The following ADAM19 variants were observed in gnomAD, a reference collection of about 807,000 sequenced individuals.
ADAM19 encodes the protein disintegrin and metalloproteinase domain-containing protein 19.
ADAM19 carries 65 observed loss-of-function variants against 114.7 expected under a neutral mutation model. The ratio of observed to expected loss-of-function variants is 0.57; its 90% CI spans 0.46 to 0.70. The LOEUF is 0.70. Ranked by LOEUF, ADAM19 falls within the 30% of genes least tolerant of loss-of-function variation. The pLI, the probability that ADAM19 is intolerant of heterozygous loss-of-function variation, is 0.00. For missense variants in ADAM19, 1,063 were observed against 1,204.7 expected (o/e 0.88, Z 1.74); for synonymous variants, 466 against 460.5 (o/e 1.01, Z -0.15).
chr5:157,518,743 T>C, intron 7 of ADAM19, 80 bp downstream of exon 7: 2 of 1,132,510 alleles, frequency 1.8e-6, no homozygotes, highest in Non-Finnish European at 2.7e-6. Context: ...TGGGCAACAT[T>C]TCCCCAAAGC....
chr5:157,478,030 T>C lies in ADAM19; in HGVS notation c.*2919A>G, dbSNP rs548941998. ...AGCCAGGTGCCCAGGCTAAGGCTTCTAGAGACAGGGAGACAGGGCACTAAA... is the reference window on the plus strand; with the variant it reads ...AGCCAGGTGCCCAGGCTAAGGCTTCCAGAGACAGGGAGACAGGGCACTAAA... On this transcript the variant is annotated 3_prime_UTR_variant, in exon 23 of 23. Coordinates refer to ENST00000257527, the MANE Select transcript of ADAM19 (RefSeq NM_033274.5). The C allele has an allele frequency of 8.5e-6, 2 of 235,342 alleles. No individual in the cohort carries two copies. Among genetic ancestry groups the C allele is most frequent in the East Asian group, 2.0e-4 (2 of 10,030 alleles). The allele number at this position is 235,342 out of a possible 1,614,324, so 14.6% of individuals were successfully genotyped here. A position where few individuals can be genotyped will look rare whatever the true frequency, so the allele number is the denominator to read the frequency against.
chr5:157,506,007 T>C (rs1755730735), intron 10 of ADAM19, among the ~76,000 whole-genome samples, 199 bp from the exon 11 acceptor site: 1 of 152,232 alleles, frequency 6.6e-6, no homozygotes. Flanking sequence ...TAAAAGTCCA[T>C]GTTTCCTGAG....
chr5:157,548,811 A>T (rs1757114165), intron 3 of ADAM19, among the ~76,000 whole-genome samples: 1 of 152,144 alleles, frequency 6.6e-6, no homozygotes, highest in Non-Finnish European at 1.5e-5. Context: ...GCCCAACCAC[A>T]AAGGGTAAAG....
At chr5:157,523,468 T>C (rs1020551080) in intron 5 of ADAM19, among the ~76,000 whole-genome samples, 1 of 150,766 alleles carries the variant, frequency 6.6e-6, no homozygotes, top group Non-Finnish European at 1.5e-5. Context: ...AATGAGAGAG[T>C]TTTTACTCAG....
chr5:157,488,442 G>A lies in ADAM19; in HGVS notation c.2373C>T (p.Pro791=). 1 of 1,611,294 alleles carries A rather than the reference G, an allele frequency of 6.2e-7. No homozygotes were observed. Among genetic ancestry groups the A allele is most frequent in the Non-Finnish European group, 8.5e-7 (1 of 1,178,168 alleles). ...CACGCAGATAATCTGGAGGGGGCCG[G>A]GGAGGAGGCTGGGAGGGCTTCCGCA... ...EILRKPSQPP[P]RPPPDYLRGG... The change falls in exon 21 of 23, where the codon CCC becomes CCT. Residue 791 remains proline, a synonymous_variant. Coordinates refer to ENST00000257527, the MANE Select transcript of ADAM19 (RefSeq NM_033274.5).
intron 5 of ADAM19, among the ~76,000 whole-genome samples, chr5:157,527,092 T>C (rs150144603): frequency 0.034 from 5,123 of 152,290 alleles, 110 homozygotes; most frequent in South Asian, 0.069. Context: ...TGACTCACAG[T>C]TCTGCATGGC....
chr5:157,556,209 CTTTTTTTTTT>C (rs68078503), intron 3 of ADAM19, among the ~76,000 whole-genome samples: 1,158 of 66,454 alleles, frequency 0.017, 34 homozygotes, highest in African/African-American at 0.065. Flanking sequence ...TTTTCTTTTT[CTTTTTTTTTT>C]TTTTTTTTTT....
At chr5:157,531,047 T>C (rs1756609206) in intron 4 of ADAM19, among the ~76,000 whole-genome samples, 164 bp from the exon 5 acceptor site, 1 of 152,196 alleles carries the variant, frequency 6.6e-6, no homozygotes, top group Non-Finnish European at 1.5e-5. Context: ...TTTCATCTGA[T>C]TCCCATAATA....
chr5:157,570,915 C>T lies in ADAM19; in HGVS notation c.160G>A (p.Glu54Lys). The T allele has an allele frequency of 6.2e-7, 1 of 1,614,166 alleles. No homozygotes were observed. The highest frequency in any genetic ancestry group is 8.5e-7 in the Non-Finnish European group (1 of 1,180,020). ...CTTACCTTTTCTCTCACGGGGCTTT[C>T]TGAAGTCTTCCACTGAGGTATGATA... ...ELIIPQWKTSESPVREKHPLK... is the reference protein window; with the variant it reads ...ELIIPQWKTSKSPVREKHPLK... The change falls in exon 2 of 23, where the codon GAA (glutamate) becomes AAA (lysine). Residue 54 changes from glutamate (E) to lysine (K), a missense_variant. Glu to Lys is a moderately conservative substitution (Grantham distance 56). This residue lies in a region of ADAM19 where 615 missense variants were observed against 706.3 expected (regional missense o/e 0.87). Coordinates refer to ENST00000257527, the MANE Select transcript of ADAM19 (RefSeq NM_033274.5).
At chr5:157,556,643 C>T (rs1217236955) in intron 3 of ADAM19, among the ~76,000 whole-genome samples, 1 of 152,196 alleles carries the variant, frequency 6.6e-6, no homozygotes, top group African/African-American at 2.4e-5. Context: ...ATGAAGGTAT[C>T]AATGTCTCTA....
chr5:157,546,372 A>G (rs1757048193), intron 3 of ADAM19, among the ~76,000 whole-genome samples: 1 of 152,218 alleles, frequency 6.6e-6, no homozygotes, highest in South Asian at 2.1e-4. Context: ...TCTAGGGATC[A>G]GGAATTAAGG....
chr5:157,533,639 G>A (rs932329669), intron 4 of ADAM19, among the ~76,000 whole-genome samples: 5 of 152,270 alleles, frequency 3.3e-5, no homozygotes, highest in East Asian at 1.9e-4. Context: ...GTTCAGAAAC[G>A]TGTATCAGCT....
chr5:157,510,618 A>G (rs886443839), intron 8 of ADAM19, among the ~76,000 whole-genome samples: 14 of 152,146 alleles, frequency 9.2e-5, no homozygotes, highest in African/African-American at 3.4e-4. Flanking sequence ...CTTTGTTTCT[A>G]TTCTGCCTTT....
chr5:157,507,228 TC>T, intron 9 of ADAM19, 88 bp from the exon 10 acceptor site: 1 of 1,332,234 alleles, frequency 7.5e-7, no homozygotes, highest in South Asian at 1.2e-5. Context: ...ATCACGGGGT[TC>T]CCTGGACCCG....
chr5:157,530,723 G>A (rs774013206), intron 5 of ADAM19, 84 bp downstream of exon 5: 2 of 1,212,062 alleles, frequency 1.7e-6, no homozygotes, highest in Non-Finnish European at 2.4e-6. Flanking sequence ...CCTTCCCAAG[G>A]TCCTTGCCTC....
At chr5:157,528,916 A>G (rs1756548225) in intron 5 of ADAM19, among the ~76,000 whole-genome samples, 2 of 152,292 alleles carry the variant, frequency 1.3e-5, no homozygotes, top group South Asian at 4.1e-4. Context: ...AAGACACCCA[A>G]TTTCTATTTG....
chr5:157,572,986 A>G (rs1757873058), intron 1 of ADAM19, among the ~76,000 whole-genome samples: 1 of 152,210 alleles, frequency 6.6e-6, no homozygotes, highest in Non-Finnish European at 1.5e-5. Flanking sequence ...GGAGGCCAAG[A>G]TTGCGCCAGT....
intron 2 of ADAM19, chr5:157,566,467 C>A (rs1283935216): frequency 6.6e-6 from 1 of 152,128 alleles, no homozygotes; most frequent in African/African-American, 2.4e-5. Context: ...AAGAAAAGAA[C>A]TTTTTATTAA....
intron 7 of ADAM19, among the ~76,000 whole-genome samples, chr5:157,516,394 G>C (rs1053269401): frequency 2.0e-5 from 3 of 152,208 alleles, no homozygotes; most frequent in Middle Eastern, 3.2e-3. Flanking sequence ...AGTCCTGGAG[G>C]CACCTTGAGT....
Sources: allele counts gnomAD v4.1 joint callset (sites outside exome capture counted in the v4.1 genomes callset), GRCh38; gene constraint gnomAD v4.1.1; regional missense constraint gnomAD v4.1.1; transcripts MANE v1.5; gene names NCBI Gene and HGNC (gene_info 2026-07-23, HGNC 2026-07-21).